KDM4C: variants seen among roughly 807,000 people sequenced by gnomAD.
KDM4C encodes the protein lysine demethylase 4C.
KDM4C carries 81 observed loss-of-function variants against 129.3 expected under a neutral mutation model. The ratio of observed to expected loss-of-function variants is 0.63; its 90% CI spans 0.52 to 0.75. The LOEUF (loss-of-function observed/expected upper bound fraction) is 0.75. KDM4C is among the 30% of genes least tolerant of loss of function. KDM4C has a pLI of 0.00. For synonymous variants in KDM4C, 573 were observed against 456.1 expected (o/e 1.26, Z -3.26); for missense variants, 1,457 against 1,304.0 (o/e 1.12, Z -1.81).
chr9:6,803,356 C>G (rs1829357578), intron 2 of KDM4C, among the ~76,000 whole-genome samples: 2 of 152,064 alleles, frequency 1.3e-5, no homozygotes, highest in South Asian at 4.2e-4. Flanking sequence ...TCGGATCACG[C>G]TGTCAAGAGA....
chr9:6,833,781 T>C (rs986661918), intron 4 of KDM4C, among the ~76,000 whole-genome samples: 1 of 152,232 alleles, frequency 6.6e-6, no homozygotes, highest in African/African-American at 2.4e-5. Flanking sequence ...GAGATAGTTA[T>C]TCACTAGCTG....
At chr9:6,986,227 A>G (rs2381531) in intron 10 of KDM4C, 117 bp from the exon 11 acceptor site, 378,590 of 649,156 alleles carry the variant, frequency 0.58, 112,357 homozygotes, top group South Asian at 0.71. Flanking sequence ...ATGTATGTGC[A>G]TGCGCATGCG....
chr9:7,023,568 T>C (rs1825259785), intron 15 of KDM4C, among the ~76,000 whole-genome samples: 1 of 152,066 alleles, frequency 6.6e-6, no homozygotes, highest in East Asian at 1.9e-4. Context: ...AGTTTTGTTT[T>C]TCTTTCTTTT....
chr9:6,789,704 A>G (rs1408616886), intron 1 of KDM4C, among the ~76,000 whole-genome samples: 1 of 151,694 alleles, frequency 6.6e-6, no homozygotes, highest in Non-Finnish European at 1.5e-5. Flanking sequence ...TGTATACTAT[A>G]TAGAGTGAGG....
intron 20 of KDM4C, among the ~76,000 whole-genome samples, chr9:7,166,332 A>T: frequency 6.6e-6 from 1 of 152,220 alleles, no homozygotes; most frequent in East Asian, 1.9e-4. Context: ...CCTGGAGCAC[A>T]GTGTAATTAA....
chr9:7,017,786 G>C (rs1006590085), intron 15 of KDM4C, among the ~76,000 whole-genome samples: 9 of 152,118 alleles, frequency 5.9e-5, no homozygotes, highest in South Asian at 2.1e-4. Context: ...TGCAACTGAA[G>C]TTAAAAACCT....
intron 17 of KDM4C, among the ~76,000 whole-genome samples, chr9:7,068,375 A>G (rs1000522682): frequency 1.3e-5 from 2 of 152,178 alleles, no homozygotes; most frequent in African/African-American, 4.8e-5. Context: ...CAAAGCTTTT[A>G]TGTATACAAT....
chr9:6,932,167 T>G (rs1823871423), intron 8 of KDM4C, among the ~76,000 whole-genome samples: 1 of 152,188 alleles, frequency 6.6e-6, no homozygotes, highest in Admixed American at 6.5e-5. Flanking sequence ...AAAGAGAAAG[T>G]GGCATTTGGT....
At chr9:6,815,899 G>A (rs1254529754) in intron 4 of KDM4C, among the ~76,000 whole-genome samples, 2 of 152,100 alleles carry the variant, frequency 1.3e-5, no homozygotes, top group Admixed American at 6.5e-5. Flanking sequence ...GTTTCTATCT[G>A]TCTGTCTTTC....
At chr9:6,920,522 C>T (rs1258989548) in intron 8 of KDM4C, among the ~76,000 whole-genome samples, 2 of 150,970 alleles carry the variant, frequency 1.3e-5, no homozygotes, top group South Asian at 2.1e-4. Flanking sequence ...GAGATCGTTC[C>T]ACTGCACTCC....
chr9:6,839,776 C>A (rs926480787), intron 4 of KDM4C, among the ~76,000 whole-genome samples: 1 of 151,848 alleles, frequency 6.6e-6, no homozygotes, highest in African/African-American at 2.4e-5. Context: ...GTGGCATGTG[C>A]CTGTAATCCC....
intron 17 of KDM4C, among the ~76,000 whole-genome samples, chr9:7,094,343 T>TA (rs201205315): frequency 2.6e-5 from 4 of 152,192 alleles, no homozygotes; most frequent in African/African-American, 9.6e-5. Context: ...TCTTTTTTTT[T>TA]ATTTTATTTT....
chr9:7,019,767 A>ATATTTTTATATATAAAAATATT lies in KDM4C; in HGVS notation c.2259+3838_2259+3839insTATTTTTATATATAAAAATATT, dbSNP rs1563993450. On this transcript the variant is annotated intron_variant, in intron 15 of 21. Coordinates refer to ENST00000381309, the MANE Select transcript of KDM4C (RefSeq NM_015061.6). ...ATAATATTTTTATATATAAAAATAT[A>ATATTTTTATATATAAAAATATT]ATATTTTTATATATAAAAATATTTT... is the stretch of plus-strand genomic sequence containing the variant. 1.7e-3 allele frequency among the ~76,000 whole-genome samples: 208 copies of ATATTTTTATATATAAAAATATT among 122,826 alleles called. 7 individuals carry two copies. Among genetic ancestry groups the ATATTTTTATATATAAAAATATT allele is most frequent in the African/African-American group, 1.5e-3 (46 of 30,396 alleles). The allele number at this position is 122,826 out of a possible 152,430, so 80.6% of individuals were successfully genotyped here. A position where few individuals can be genotyped will look rare whatever the true frequency, so the allele number is the denominator to read the frequency against.
At chr9:6,925,321 C>G (rs1051240258) in intron 8 of KDM4C, 2 of 985,220 alleles carry the variant, frequency 2.0e-6, no homozygotes, top group African/African-American at 1.7e-5. Context: ...GAGACACAAG[C>G]TTTCATCAGT....
Position 7,101,721 on chromosome 9 carries a change from G to A in KDM4C, c.2425-1964G>A, listed in dbSNP as rs559146876. 4.6e-5 allele frequency among the ~76,000 whole-genome samples: 7 copies of A among 152,262 alleles called. No homozygotes were observed. The East Asian group carries it at 1.2e-3, about 25-fold the overall frequency. ...TTTAATGAAGTTAATGGTGATGGAGGTTGGGAGATACCAATGCTTTAATTA... is the reference window on the plus strand; with the variant it reads ...TTTAATGAAGTTAATGGTGATGGAGATTGGGAGATACCAATGCTTTAATTA... On this transcript the variant is annotated intron_variant, in intron 17 of 21. Coordinates refer to ENST00000381309, the MANE Select transcript of KDM4C (RefSeq NM_015061.6).
chr9:6,993,887 A>C (rs901055604), intron 12 of KDM4C, among the ~76,000 whole-genome samples: 4 of 152,194 alleles, frequency 2.6e-5, no homozygotes, highest in Non-Finnish European at 5.9e-5. Flanking sequence ...ACCAGTTGTC[A>C]TTCAATGCTG....
At chr9:6,966,795 A>G (rs543123873) in intron 8 of KDM4C, among the ~76,000 whole-genome samples, 2 of 152,316 alleles carry the variant, frequency 1.3e-5, no homozygotes, top group South Asian at 4.1e-4. Context: ...CTAATTCAAG[A>G]TTTATCTTAG....
intron 8 of KDM4C, among the ~76,000 whole-genome samples, chr9:6,908,108 G>A (rs1467055291): frequency 6.6e-6 from 1 of 152,158 alleles, no homozygotes; most frequent in African/African-American, 2.4e-5. Context: ...ATATTGAAGA[G>A]AAGATGATAA....
At chr9:6,855,671 C>G (rs1176500633) in intron 5 of KDM4C, among the ~76,000 whole-genome samples, 1 of 152,086 alleles carries the variant, frequency 6.6e-6, no homozygotes, top group Non-Finnish European at 1.5e-5. Flanking sequence ...TTTCTCCTCT[C>G]CATTCCTTCT....
Sources: allele counts gnomAD v4.1 joint callset (sites outside exome capture counted in the v4.1 genomes callset), GRCh38; gene constraint gnomAD v4.1.1; transcripts MANE v1.5; gene names NCBI Gene and HGNC (gene_info 2026-07-23, HGNC 2026-07-21).